ANKS1B: variants seen among roughly 807,000 people sequenced by gnomAD.
ANKS1B encodes the protein ankyrin repeat and sterile alpha motif domain containing 1B.
In ANKS1B, 36 loss-of-function variants were observed where a neutral mutation model predicts 148.3. That is an observed-to-expected ratio of 0.24 (90% CI 0.19 to 0.32). The LOEUF is 0.32. Ranked by LOEUF, ANKS1B falls within the 10% of genes least tolerant of loss-of-function variation. The probability of loss-of-function intolerance (pLI) is 1.00; values close to 1 mark genes in which losing one functional copy is unlikely to be tolerated. For missense variants in ANKS1B, 1,157 were observed against 1,542.6 expected, an observed-to-expected ratio of 0.75 and a Z score of 4.19; for synonymous variants, 542 against 560.8, an observed-to-expected ratio of 0.97 and a Z score of 0.47.
chr12:98,772,914 C>T (rs2098607569), intron 25 of ANKS1B, 128 bp downstream of exon 25: 2 of 1,022,812 alleles, frequency 2.0e-6, no homozygotes, highest in Admixed American at 5.9e-5. Flanking sequence ...CAAACAAATA[C>T]ACTTGGTATG....
At chr12:99,842,598 CA>C (rs926562531) in intron 1 of ANKS1B, among the ~76,000 whole-genome samples, 1 of 152,026 alleles carries the variant, frequency 6.6e-6, no homozygotes, top group African/African-American at 2.4e-5. Context: ...TTGGTTTAGC[CA>C]AAAACCCTCT....
chr12:98,848,625 C>T (rs142721354), intron 17 of ANKS1B, among the ~76,000 whole-genome samples: 2 of 149,828 alleles, frequency 1.3e-5, no homozygotes, highest in Admixed American at 1.3e-4. Context: ...GTGGCATGAT[C>T]TCAGCTCACT....
chr12:99,227,733 T>C (rs1566679986), intron 14 of ANKS1B, among the ~76,000 whole-genome samples: 1 of 152,188 alleles, frequency 6.6e-6, no homozygotes, highest in African/African-American at 2.4e-5. Flanking sequence ...AGAGAAACTC[T>C]TCTTACCATT....
At chr12:98,999,836 G>A (rs569457417) in intron 17 of ANKS1B, among the ~76,000 whole-genome samples, 3 of 152,252 alleles carry the variant, frequency 2.0e-5, no homozygotes, top group South Asian at 4.1e-4. Context: ...GGGGAAACAC[G>A]CAGTGGCTAC....
intron 8 of ANKS1B, among the ~76,000 whole-genome samples, chr12:99,754,715 C>T (rs1333950139): frequency 1.3e-5 from 2 of 152,146 alleles, no homozygotes; most frequent in Non-Finnish European, 2.9e-5. Flanking sequence ...CATACAACTA[C>T]ATGCAAACTG....
At chr12:99,034,373 T>C (rs1446421421) in intron 17 of ANKS1B, among the ~76,000 whole-genome samples, 2 of 152,160 alleles carry the variant, frequency 1.3e-5, no homozygotes, top group Non-Finnish European at 2.9e-5. Context: ...TGGAGTGCAA[T>C]GGCACAATCA....
At chr12:99,043,132 G>T (rs533686891) in intron 17 of ANKS1B, among the ~76,000 whole-genome samples, 1 of 151,956 alleles carries the variant, frequency 6.6e-6, no homozygotes, top group African/African-American at 2.4e-5. Context: ...ACTCTATGCA[G>T]TATTTTTTTA....
chr12:99,177,572 A>G (rs1034831857), intron 14 of ANKS1B, among the ~76,000 whole-genome samples: 3 of 152,234 alleles, frequency 2.0e-5, no homozygotes, highest in African/African-American at 7.2e-5. Context: ...CAGGGACACA[A>G]GCTTTTGCTT....
chr12:99,964,092 G>A (rs2095453941), intron 1 of ANKS1B, among the ~76,000 whole-genome samples: 1 of 152,024 alleles, frequency 6.6e-6, no homozygotes, highest in Non-Finnish European at 1.5e-5. Context: ...CTCTCATTCT[G>A]GAGGCCTACT....
chr12:99,507,396 A>G (rs1308084593), intron 9 of ANKS1B, among the ~76,000 whole-genome samples: 1 of 151,916 alleles, frequency 6.6e-6, no homozygotes, highest in Non-Finnish European at 1.5e-5. Flanking sequence ...CTTCCTTAAA[A>G]ATGAAGTATA....
chr12:99,612,363 G>T (rs1441330708), intron 9 of ANKS1B, among the ~76,000 whole-genome samples: 1 of 152,128 alleles, frequency 6.6e-6, no homozygotes, highest in Non-Finnish European at 1.5e-5. Context: ...ACCAGGCACA[G>T]TTCTAAGCAC....
At chr12:99,813,796 G>A (rs1393532780) in intron 2 of ANKS1B, among the ~76,000 whole-genome samples, 1 of 151,582 alleles carries the variant, frequency 6.6e-6, no homozygotes, top group Non-Finnish European at 1.5e-5. Flanking sequence ...ATTTCTCTTT[G>A]AAAAACCAGC....
intron 17 of ANKS1B, among the ~76,000 whole-genome samples, chr12:98,836,931 G>A (rs2099367107): frequency 6.6e-6 from 1 of 152,158 alleles, no homozygotes; most frequent in Admixed American, 6.5e-5. Context: ...TTACAATATT[G>A]GAGAGATCAG....
At chr12:99,548,343 T>C (rs948338846) in intron 9 of ANKS1B, among the ~76,000 whole-genome samples, 3 of 150,824 alleles carry the variant, frequency 2.0e-5, no homozygotes, top group Non-Finnish European at 4.4e-5. Context: ...GCCCTTTCCC[T>C]TTTCCTGTTA....
intron 15 of ANKS1B, among the ~76,000 whole-genome samples, chr12:99,150,073 G>T (rs921932778): frequency 6.6e-6 from 1 of 152,184 alleles, no homozygotes; most frequent in Non-Finnish European, 1.5e-5. Flanking sequence ...GCACAGAAAT[G>T]ATATCTAAGG....
rs149974873 is a variant in ANKS1B at position 99,121,155 on chromosome 12, T to C, written c.2526+33134A>G. Among the ~76,000 whole-genome samples, 272 of 152,114 alleles carry C rather than the reference T, an allele frequency of 1.8e-3. 8 individuals carry two copies. The South Asian group carries it at 0.046, about 26-fold the overall frequency. On this transcript the variant is annotated intron_variant, in intron 15 of 26. Transcript: ENST00000683438. ...TTAGAGGTTTTAATTTGGGGACTAG[T>C]AGGATTATAGCTATGCTTATAAGGT...
intron 9 of ANKS1B, among the ~76,000 whole-genome samples, chr12:99,536,595 T>C (rs897611392): frequency 5.3e-5 from 8 of 152,070 alleles, no homozygotes; most frequent in African/African-American, 1.5e-4. Flanking sequence ...ACCTACTCTA[T>C]AAGAAATATG....
intron 14 of ANKS1B, among the ~76,000 whole-genome samples, chr12:99,165,316 G>T (rs539744071): frequency 6.6e-6 from 1 of 151,902 alleles, no homozygotes; most frequent in South Asian, 2.1e-4. Flanking sequence ...GATCAATAGA[G>T]AAAAATCAAT....
intron 19 of ANKS1B, among the ~76,000 whole-genome samples, chr12:98,818,031 A>T (rs1171216111): frequency 1.3e-5 from 2 of 152,172 alleles, no homozygotes; most frequent in Non-Finnish European, 2.9e-5. Flanking sequence ...ATTTGGTTCC[A>T]TCTAAGTCCA....
Sources: allele counts gnomAD v4.1 joint callset (sites outside exome capture counted in the v4.1 genomes callset), GRCh38; gene constraint gnomAD v4.1.1; transcripts MANE v1.5; gene names NCBI Gene and HGNC (gene_info 2026-07-23, HGNC 2026-07-21).